NCAM2: variants seen among roughly 807,000 people sequenced by gnomAD.
NCAM2 encodes the protein neural cell adhesion molecule 2.
In NCAM2, 30 loss-of-function variants were observed where a neutral mutation model predicts 98.1. The observed-to-expected ratio is 0.31, with a 90% CI of 0.23 to 0.41. NCAM2 has a LOEUF of 0.41. Among genes scored for constraint, NCAM2 ranks in the 10% least tolerant of loss-of-function variants. The pLI, the probability that NCAM2 is intolerant of heterozygous loss-of-function variation, is 1.00. For synonymous variants in NCAM2, 368 were observed against 342.4 expected (o/e 1.07, Z -0.83); for missense variants, 867 against 1,005.8 (o/e 0.86, Z 1.87).
At chr21:21,206,505 A>G (rs975232588) in intron 1 of NCAM2, among the ~76,000 whole-genome samples, 3 of 152,168 alleles carry the variant, frequency 2.0e-5, no homozygotes, top group Non-Finnish European at 4.4e-5. Flanking sequence ...TTGAAATATC[A>G]TATAGTCTTA....
intron 1 of NCAM2, among the ~76,000 whole-genome samples, chr21:21,226,490 A>T (rs2070388361): frequency 6.6e-6 from 1 of 152,110 alleles, no homozygotes; most frequent in Non-Finnish European, 1.5e-5. Flanking sequence ...AATACTGAAG[A>T]AGAAGATAGT....
chr21:21,401,937 T>C (rs987739466), intron 9 of NCAM2, among the ~76,000 whole-genome samples: 1 of 152,172 alleles, frequency 6.6e-6, no homozygotes. Flanking sequence ...ATCACTTCCC[T>C]AATAATACTC....
chr21:21,321,253 T>C (rs187275890), intron 5 of NCAM2, among the ~76,000 whole-genome samples: 1 of 152,292 alleles, frequency 6.6e-6, no homozygotes, highest in Non-Finnish European at 1.5e-5. Context: ...CCATTTTTAA[T>C]TGGATTATTA....
intron 8 of NCAM2, among the ~76,000 whole-genome samples, chr21:21,350,940 A>T (rs1346903656): frequency 2.1e-5 from 2 of 95,308 alleles, no homozygotes; most frequent in Non-Finnish European, 4.3e-5. Flanking sequence ...ACAAAAAAAA[A>T]AAAAAAAAGG....
At chr21:21,224,282 C>T (rs530927127) in intron 1 of NCAM2, among the ~76,000 whole-genome samples, 7 of 152,252 alleles carry the variant, frequency 4.6e-5, no homozygotes, top group East Asian at 1.9e-4. Flanking sequence ...TGAGAGTTAG[C>T]GAATGGCCCT....
intron 1 of NCAM2, among the ~76,000 whole-genome samples, chr21:21,030,820 C>A (rs562242097): frequency 6.6e-6 from 1 of 152,054 alleles, no homozygotes; most frequent in African/African-American, 2.4e-5. Flanking sequence ...CAGCAACTGA[C>A]TTTGTTTAAA....
At chr21:21,178,092 ATTAACT>A (rs1170143418) in intron 1 of NCAM2, among the ~76,000 whole-genome samples, 3 of 152,274 alleles carry the variant, frequency 2.0e-5, no homozygotes, top group South Asian at 2.1e-4. Flanking sequence ...ATTTTGTCTG[ATTAACT>A]TAAACACAAG....
At chr21:21,330,433 A>G (rs7280351) in intron 6 of NCAM2, among the ~76,000 whole-genome samples, 1 of 152,030 alleles carries the variant, frequency 6.6e-6, no homozygotes, top group African/African-American at 2.4e-5. Context: ...GTATTTGGGT[A>G]TATTTCATAA....
chr21:21,074,343 GCATTTATTA>G (rs912326376), intron 1 of NCAM2, among the ~76,000 whole-genome samples: 167 of 151,326 alleles, frequency 1.1e-3, no homozygotes, highest in African/African-American at 3.7e-3. Context: ...TTATTTATTA[GCATTTATTA>G]CATTTATTAC....
intron 1 of NCAM2, among the ~76,000 whole-genome samples, chr21:21,163,887 T>C (rs992211215): frequency 1.3e-5 from 2 of 152,168 alleles, no homozygotes; most frequent in Non-Finnish European, 2.9e-5. Flanking sequence ...GAGTCTTGTG[T>C]TCTAGCTAAT....
At chr21:21,507,738 C>G (rs1394218062) in intron 15 of NCAM2, among the ~76,000 whole-genome samples, 1 of 145,782 alleles carries the variant, frequency 6.9e-6, no homozygotes, top group Non-Finnish European at 1.5e-5. Flanking sequence ...TACAGTGAGC[C>G]GAGATCGCCC....
intron 1 of NCAM2, among the ~76,000 whole-genome samples, chr21:21,119,270 A>G (rs923334129): frequency 1.3e-5 from 2 of 152,282 alleles, no homozygotes; most frequent in South Asian, 4.1e-4. Flanking sequence ...TCTCAATTCT[A>G]AGTGCTTGTT....
chr21:21,335,485 A>G lies in NCAM2; in HGVS notation c.738-20A>G, dbSNP rs1243698751. 1.9e-6 allele frequency: 3 copies of G among 1,573,294 alleles called. No individual in the cohort carries two copies. Among genetic ancestry groups the G allele is most frequent in the East Asian group, 4.6e-5 (2 of 43,578 alleles). ...TATAAAGCCAGATCTGTGAGGATGA[A>G]CCTCTTTTTTCTTCTTTAGGAATGG... On this transcript the variant is annotated intron_variant, in intron 6 of 17. Transcript: ENST00000400546.
chr21:21,357,631 A>T (rs1019563941), intron 8 of NCAM2, among the ~76,000 whole-genome samples: 2 of 152,100 alleles, frequency 1.3e-5, no homozygotes, highest in African/African-American at 4.8e-5. Flanking sequence ...TCTTTTTTTT[A>T]TACATCCTTG....
intron 8 of NCAM2, among the ~76,000 whole-genome samples, chr21:21,349,341 G>A (rs2075275055): frequency 6.6e-6 from 1 of 152,032 alleles, no homozygotes; most frequent in Non-Finnish European, 1.5e-5. Flanking sequence ...TCAATGTCAT[G>A]GATCATCAGA....
At chr21:21,104,867 G>T (rs1228457324) in intron 1 of NCAM2, among the ~76,000 whole-genome samples, 1 of 152,122 alleles carries the variant, frequency 6.6e-6, no homozygotes, top group Non-Finnish European at 1.5e-5. Context: ...CATTGTTGCT[G>T]TTTTTTCTTA....
At chr21:21,352,583 C>T (rs576885096) in intron 8 of NCAM2, among the ~76,000 whole-genome samples, 8 of 151,668 alleles carry the variant, frequency 5.3e-5, no homozygotes, top group Admixed American at 4.6e-4. Flanking sequence ...TGTCATTGAC[C>T]ATGTTAGTTC....
At chr21:21,231,479 A>G (rs1430397451) in intron 1 of NCAM2, among the ~76,000 whole-genome samples, 3 of 151,418 alleles carry the variant, frequency 2.0e-5, no homozygotes, top group Admixed American at 6.6e-5. Context: ...TTATAAGTAT[A>G]ATTTTATACT....
Position 21,184,842 on chromosome 21 carries a change from AT to A in NCAM2, c.56-95732del, listed in dbSNP as rs377232633. On this transcript the variant is annotated intron_variant, in intron 1 of 17. Coordinates refer to ENST00000400546, the MANE Select transcript of NCAM2 (RefSeq NM_004540.5). ...CTAGGAAGAGAAAATGAATTTTATT[AT>A]TTTGAAAGTTGTTCACCAAATACTG... 2.4e-3 allele frequency among the ~76,000 whole-genome samples: 363 copies of A among 152,230 alleles called. 2 individuals are homozygous for A. The highest frequency in any genetic ancestry group is 8.0e-3 in the African/African-American group (331 of 41,558).
Sources: allele counts gnomAD v4.1 joint callset (sites outside exome capture counted in the v4.1 genomes callset), GRCh38; gene constraint gnomAD v4.1.1; transcripts MANE v1.5; gene names NCBI Gene and HGNC (gene_info 2026-07-23, HGNC 2026-07-21).